Variants in GPHN observed in about 807,000 individuals in gnomAD.
GPHN encodes gephyrin.
A neutral mutation model predicts 95.5 loss-of-function variants in GPHN; 17 were observed. The observed-to-expected ratio is 0.18, with a 90% CI of 0.12 to 0.27. GPHN has a LOEUF of 0.27. GPHN is among the 10% of genes least tolerant of loss of function. The pLI is 1.00. For synonymous variants in GPHN, 320 were observed against 322.5 expected (o/e 0.99, Z 0.08); for missense variants, 660 against 978.1 (o/e 0.67, Z 4.34).
the GPHN span, among the ~76,000 whole-genome samples, chr14:67,591,075 GAATT>G: frequency 1.3e-4 from 20 of 151,842 alleles, no homozygotes; most frequent in Non-Finnish European, 2.8e-4. Flanking sequence ...AATATATAAA[GAATT>G]GTTAAAAATA....
At chr14:67,615,524 C>A in the GPHN span, 2 of 437,076 alleles carry the variant, frequency 4.6e-6, no homozygotes, top group East Asian at 5.0e-5. Flanking sequence ...GGCAAAATGC[C>A]ATCGTATGTA....
intron 1 of GPHN, among the ~76,000 whole-genome samples, chr14:66,635,272 T>C (rs2064035691): frequency 6.6e-6 from 1 of 152,170 alleles, no homozygotes; most frequent in Non-Finnish European, 1.5e-5. Context: ...AAAGAGGTCA[T>C]AGAGCCAATT....
At chr14:66,642,188 GT>G (rs1449151179) in intron 1 of GPHN, among the ~76,000 whole-genome samples, 1 of 152,116 alleles carries the variant, frequency 6.6e-6, no homozygotes, top group Non-Finnish European at 1.5e-5. Flanking sequence ...TGCAAATACA[GT>G]TAAGGTTACA....
chr14:66,855,894 C>T (rs1167304125), intron 4 of GPHN, among the ~76,000 whole-genome samples: 1 of 152,006 alleles, frequency 6.6e-6, no homozygotes, highest in East Asian at 1.9e-4. Flanking sequence ...TTATTCCAAG[C>T]CTGAAGTAGC....
chr14:67,160,414 A>G (rs1049495480), intron 19 of GPHN, among the ~76,000 whole-genome samples: 2 of 152,174 alleles, frequency 1.3e-5, no homozygotes, highest in Non-Finnish European at 1.5e-5. Context: ...AAAGAAAAAT[A>G]ACTAAGGAAA....
At chr14:67,242,097 A>G in the GPHN span, 1 of 152,238 alleles carries the variant, frequency 6.6e-6, no homozygotes, top group African/African-American at 2.4e-5. Context: ...TTAAGGTTGC[A>G]CGTTGAACTT....
At chr14:67,573,844 C>A in the GPHN span, 1 of 1,613,758 alleles carries the variant, frequency 6.2e-7, no homozygotes, top group Non-Finnish European at 8.5e-7. The surrounding 1 kb of genome is among the most constrained non-coding windows in gnomAD (Gnocchi z 4.8). Context: ...GATCTGAACT[C>A]CCGCTGCCAA....
chr14:66,895,740 A>G (rs1355538820), intron 5 of GPHN, among the ~76,000 whole-genome samples: 2 of 152,316 alleles, frequency 1.3e-5, no homozygotes, highest in Non-Finnish European at 1.5e-5. Flanking sequence ...TATCACCAAA[A>G]GAACCTCACG....
chr14:67,620,173 G>T, the GPHN span: 4 of 962,836 alleles, frequency 4.2e-6, no homozygotes, highest in Admixed American at 8.5e-5. Context: ...CGGGGGACCG[G>T]GAGGCGAGGA....
intron 1 of GPHN, among the ~76,000 whole-genome samples, chr14:66,522,130 A>G (rs144388682): frequency 1.8e-3 from 277 of 152,292 alleles, no homozygotes; most frequent in African/African-American, 6.3e-3. Flanking sequence ...TAATTTGTAT[A>G]TCAGGAGAAC....
At chr14:66,853,414 G>T (rs536737541) in intron 4 of GPHN, among the ~76,000 whole-genome samples, 3 of 152,280 alleles carry the variant, frequency 2.0e-5, no homozygotes, top group Admixed American at 2.0e-4. Flanking sequence ...TTGTCATGCT[G>T]CTAAAGAGAG....
At chr14:66,565,726 A>C (rs1245450036) in intron 1 of GPHN, among the ~76,000 whole-genome samples, 1 of 152,216 alleles carries the variant, frequency 6.6e-6, no homozygotes, top group Non-Finnish European at 1.5e-5. Flanking sequence ...TTATGGTTCC[A>C]ATATTTAAAA....
chr14:67,440,350 T>C, the GPHN span, among the ~76,000 whole-genome samples: 2 of 152,134 alleles, frequency 1.3e-5, no homozygotes, highest in Non-Finnish European at 2.9e-5. Flanking sequence ...GGCTCGAATA[T>C]ACAGGTGGTC....
the GPHN span, among the ~76,000 whole-genome samples, chr14:67,590,874 G>A: frequency 6.6e-6 from 1 of 152,132 alleles, no homozygotes; most frequent in South Asian, 2.1e-4. Flanking sequence ...ATAAGCAAGA[G>A]GAAAAACAAA....
At chr14:67,383,469 G>T in the GPHN span, 1 of 1,610,372 alleles carries the variant, frequency 6.2e-7, no homozygotes, top group South Asian at 1.1e-5. Flanking sequence ...CCAATTTAAG[G>T]AACACAGAGC....
At chr14:67,017,875 T>C (rs556773701) in intron 9 of GPHN, among the ~76,000 whole-genome samples, 250 of 152,206 alleles carry the variant, frequency 1.6e-3, no homozygotes, top group African/African-American at 5.6e-3. Flanking sequence ...ATAAAACAGG[T>C]ACAGGAATGG....
chr14:66,774,803 T>C (rs1375467710), intron 2 of GPHN, among the ~76,000 whole-genome samples: 1 of 152,232 alleles, frequency 6.6e-6, no homozygotes, highest in Non-Finnish European at 1.5e-5. Context: ...ACTTTTCAAC[T>C]ATTTTTTCTC....
chr14:67,308,140 T>C, the GPHN span, among the ~76,000 whole-genome samples: 1 of 151,760 alleles, frequency 6.6e-6, no homozygotes, highest in Non-Finnish European at 1.5e-5. Context: ...CTAGGCTTAA[T>C]ACCTGGGTGA....
intron 11 of GPHN, among the ~76,000 whole-genome samples, chr14:67,070,284 A>G (rs895395482): frequency 3.3e-5 from 5 of 149,690 alleles, no homozygotes; most frequent in East Asian, 1.9e-4. Flanking sequence ...GTGTGTATAT[A>G]TATGTTTGTG....
Sources: allele counts gnomAD v4.1 joint callset (sites outside exome capture counted in the v4.1 genomes callset), GRCh38; gene constraint gnomAD v4.1.1; non-coding constraint Gnocchi (gnomAD v3.1); transcripts MANE v1.5; gene names NCBI Gene and HGNC (gene_info 2026-07-23, HGNC 2026-07-21).